The following ADAMTSL1 variants were observed in gnomAD, a reference collection of about 807,000 sequenced individuals.
ADAMTSL1 encodes ADAMTS like 1.
ADAMTSL1 carries 126 observed loss-of-function variants against 201.8 expected under a neutral mutation model. The ratio of observed to expected loss-of-function variants is 0.62; its 90% confidence interval spans 0.54 to 0.72. The LOEUF is 0.72. Ranked by LOEUF, ADAMTSL1 falls within the 30% of genes least tolerant of loss-of-function variation. The probability of loss-of-function intolerance (pLI) is 0.00; values close to 1 mark genes in which losing one functional copy is unlikely to be tolerated. For synonymous variants in ADAMTSL1, 1,121 were observed against 903.4 expected (o/e 1.24, Z -4.32); for missense variants, 2,679 against 2,277.8 (o/e 1.18, Z -3.59).
chr9:18,032,369 C>T (rs10963401), intron 1 of ADAMTSL1, among the ~76,000 whole-genome samples: 77,136 of 152,010 alleles, frequency 0.51, 19,634 homozygotes, highest in Non-Finnish European at 0.53. Flanking sequence ...GTCCTCTGGA[C>T]CCTCAGGACT....
intron 1 of ADAMTSL1, among the ~76,000 whole-genome samples, chr9:18,093,996 C>T (rs1027336769): frequency 3.9e-5 from 6 of 152,110 alleles, no homozygotes; most frequent in African/African-American, 1.4e-4. Flanking sequence ...AGGCGGAATT[C>T]TAGGTTTGGG....
At chr9:18,004,591 A>G (rs967989638) in intron 1 of ADAMTSL1, among the ~76,000 whole-genome samples, 1 of 152,076 alleles carries the variant, frequency 6.6e-6, no homozygotes, top group Non-Finnish European at 1.5e-5. Context: ...CACCCATAGC[A>G]TGACAATTTT....
At chr9:18,234,427 T>C (rs1830761242) in intron 2 of ADAMTSL1, among the ~76,000 whole-genome samples, 1 of 151,152 alleles carries the variant, frequency 6.6e-6, no homozygotes, top group Non-Finnish European at 1.5e-5. Context: ...CTTCTGGTGT[T>C]CTAGATGCTG....
chr9:18,273,805 A>G (rs1212368662), intron 2 of ADAMTSL1, among the ~76,000 whole-genome samples: 1 of 152,228 alleles, frequency 6.6e-6, no homozygotes, highest in Non-Finnish European at 1.5e-5. Flanking sequence ...AAGGCTCCAT[A>G]TCTTATTACC....
intron 13 of ADAMTSL1, among the ~76,000 whole-genome samples, chr9:18,702,590 G>T (rs1257166301): frequency 6.6e-6 from 1 of 152,152 alleles, no homozygotes; most frequent in Non-Finnish European, 1.5e-5. Context: ...AGGCCAGCCA[G>T]AAGCATTAAT....
intron 1 of ADAMTSL1, among the ~76,000 whole-genome samples, chr9:17,943,847 T>C (rs985574401): frequency 6.6e-6 from 1 of 152,102 alleles, no homozygotes; most frequent in Non-Finnish European, 1.5e-5. Context: ...TGCAGCCATC[T>C]GGTTGGCTTC....
intron 1 of ADAMTSL1, among the ~76,000 whole-genome samples, chr9:18,078,640 G>A (rs1823334028): frequency 1.3e-5 from 2 of 151,958 alleles, no homozygotes; most frequent in African/African-American, 4.8e-5. Context: ...GTATTTTTGT[G>A]GTTTTTTCTA....
intron 9 of ADAMTSL1, among the ~76,000 whole-genome samples, chr9:18,668,640 A>G (rs1238977317): frequency 6.6e-6 from 1 of 152,178 alleles, no homozygotes; most frequent in Non-Finnish European, 1.5e-5. Context: ...TGTAAAATAA[A>G]TATAATATTC....
intron 23 of ADAMTSL1, among the ~76,000 whole-genome samples, chr9:18,861,097 A>G (rs1827186941): frequency 6.6e-6 from 1 of 152,158 alleles, no homozygotes; most frequent in South Asian, 2.1e-4. Flanking sequence ...GATCATATAC[A>G]CATCCCTCAT....
chr9:18,059,790 A>G (rs1251054515), intron 1 of ADAMTSL1, among the ~76,000 whole-genome samples: 12 of 152,140 alleles, frequency 7.9e-5, no homozygotes, highest in Admixed American at 7.2e-4. Context: ...ATTTTGAAAC[A>G]TGGCAATTTA....
intron 7 of ADAMTSL1, among the ~76,000 whole-genome samples, chr9:18,655,420 T>C (rs146957072): frequency 1.3e-5 from 2 of 152,292 alleles, no homozygotes; most frequent in African/African-American, 4.8e-5. Context: ...AATACTCTTT[T>C]TTATTAACAT....
chr9:18,152,034 T>G (rs1816583878), intron 1 of ADAMTSL1, among the ~76,000 whole-genome samples: 1 of 152,096 alleles, frequency 6.6e-6, no homozygotes, highest in African/African-American at 2.4e-5. Context: ...TATAGCATTT[T>G]ATAGTTTACA....
chr9:18,601,832 A>G (rs986211142), intron 4 of ADAMTSL1, among the ~76,000 whole-genome samples: 2 of 151,702 alleles, frequency 1.3e-5, no homozygotes, highest in African/African-American at 4.8e-5. Context: ...CATAGATATT[A>G]TATATATAGT....
intron 4 of ADAMTSL1, among the ~76,000 whole-genome samples, chr9:18,607,825 G>T (rs1051531855): frequency 1.3e-5 from 2 of 151,934 alleles, no homozygotes; most frequent in African/African-American, 4.8e-5. Flanking sequence ...AGAACATGCG[G>T]TGTTCGGTTT....
chr9:18,239,758 G>A (rs1320262878), intron 2 of ADAMTSL1, among the ~76,000 whole-genome samples: 2 of 149,754 alleles, frequency 1.3e-5, no homozygotes, highest in Admixed American at 6.7e-5. Context: ...AAAGAAAGAA[G>A]GAAAGAAGGA....
chr9:18,443,502 G>C (rs138559407), intron 2 of ADAMTSL1, among the ~76,000 whole-genome samples: 3 of 152,296 alleles, frequency 2.0e-5, no homozygotes, highest in African/African-American at 4.8e-5. Context: ...TTTATCTTTT[G>C]CTCTTTAGTA....
chr9:18,808,130 C>T (rs192393893), intron 20 of ADAMTSL1, among the ~76,000 whole-genome samples: 4 of 152,066 alleles, frequency 2.6e-5, no homozygotes, highest in East Asian at 1.9e-4. Flanking sequence ...AGAAGAGGAA[C>T]CAGTTAAAGA....
chr9:18,544,680 T>C (rs1452617802), intron 3 of ADAMTSL1, among the ~76,000 whole-genome samples: 1 of 152,188 alleles, frequency 6.6e-6, no homozygotes, highest in Non-Finnish European at 1.5e-5. Flanking sequence ...TATATTATTG[T>C]CTTGTGGATT....
chr9:18,227,263 C>G (rs1443503889), intron 2 of ADAMTSL1, among the ~76,000 whole-genome samples: 1 of 152,088 alleles, frequency 6.6e-6, no homozygotes, highest in Non-Finnish European at 1.5e-5. Flanking sequence ...TTATGGAATA[C>G]CTACCATGTA....
Sources: allele counts gnomAD v4.1 joint callset (sites outside exome capture counted in the v4.1 genomes callset), GRCh38; gene constraint gnomAD v4.1.1; transcripts MANE v1.5; gene names NCBI Gene and HGNC (gene_info 2026-07-23, HGNC 2026-07-21).